MKLN1: variants seen among roughly 807,000 people sequenced by gnomAD.
MKLN1 encodes muskelin 1.
Under a neutral mutation model 99.0 loss-of-function variants are expected in MKLN1, and 18 were observed. The ratio of observed to expected loss-of-function variants is 0.18; its 90% CI spans 0.13 to 0.27. MKLN1 has a LOEUF of 0.27. Ranked by LOEUF, MKLN1 falls within the 10% of genes least tolerant of loss-of-function variation. MKLN1 has a pLI of 1.00. For synonymous variants in MKLN1, 288 were observed against 293.2 expected (o/e 0.98, Z 0.18); for missense variants, 621 against 875.9 (o/e 0.71, Z 3.67).
At chr7:131,118,834 T>C (rs1795317735) in intron 1 of MKLN1, among the ~76,000 whole-genome samples, 2 of 152,168 alleles carry the variant, frequency 1.3e-5, no homozygotes, top group Non-Finnish European at 2.9e-5. Flanking sequence ...AAGGGGGACA[T>C]CTTTCCCCAT....
chr7:131,183,049 G>T (rs771313601), intron 2 of MKLN1, among the ~76,000 whole-genome samples: 2 of 152,178 alleles, frequency 1.3e-5, no homozygotes, highest in Non-Finnish European at 2.9e-5. Context: ...GGTGGATGTG[G>T]AGTGGTTTTG....
rs1451699780 is a variant in MKLN1, at chr7:131,399,248, A to G, written c.518A>G (p.Glu173Gly). 6.2e-7 allele frequency: 1 copy of G among 1,613,882 alleles called. No homozygotes were observed. Among genetic ancestry groups the G allele is most frequent in the South Asian group, 1.1e-5 (1 of 91,078 alleles). ...TACTCTGTGTTCTAGTAGTACCGTGAACAGGAAGCTATTCGCCTTTGCCTA... is the reference window on the plus strand; with the variant it reads ...TACTCTGTGTTCTAGTAGTACCGTGGACAGGAAGCTATTCGCCTTTGCCTA... ...PCLNWYSKYR[E>G]QEAIRLCLKH... Residue 173 changes from glutamate to glycine, a missense_variant, in exon 6 of 18, where the codon GAA becomes GGA. This residue lies in a region of MKLN1 where 361 missense variants were observed against 540.8 expected (regional missense o/e 0.67). Coordinates refer to ENST00000352689, the MANE Select transcript of MKLN1 (RefSeq NM_013255.5).
chr7:131,278,245 C>T (rs1303989572), intron 3 of MKLN1, among the ~76,000 whole-genome samples: 1 of 151,964 alleles, frequency 6.6e-6, no homozygotes, highest in Non-Finnish European at 1.5e-5. Context: ...GCCATGTTGC[C>T]CAGGCTGGTC....
At chr7:131,169,042 A>T (rs1427975876) in intron 2 of MKLN1, among the ~76,000 whole-genome samples, 1 of 151,994 alleles carries the variant, frequency 6.6e-6, no homozygotes, top group African/African-American at 2.4e-5. Flanking sequence ...TAATATTTGT[A>T]TTTTTAGTAA....
chr7:131,460,453 G>A (rs908781516), intron 12 of MKLN1, among the ~76,000 whole-genome samples: 3 of 152,206 alleles, frequency 2.0e-5, no homozygotes, highest in African/African-American at 7.2e-5. Flanking sequence ...TGTCAACCAA[G>A]CTTTCCTATA....
In MKLN1 at chr7:131,441,683, A is replaced by G. The variant is rs148188319; in HGVS notation, c.1174-1798A>G. On this transcript the variant is annotated intron_variant, in intron 10 of 17. Transcript: ENST00000352689. ...TATGCTAGGAAGAACTACCAAGATA[A>G]AGATGTTTATACTTCAGCCCTGCAA... Among the ~76,000 whole-genome samples, 6 of 152,320 alleles carry G rather than the reference A, an allele frequency of 3.9e-5. No individual in the cohort carries two copies. In the East Asian group the frequency reaches 1.2e-3, roughly 29 times the overall value.
intron 3 of MKLN1, among the ~76,000 whole-genome samples, chr7:131,289,408 T>C (rs1042194823): frequency 6.6e-6 from 1 of 152,164 alleles, no homozygotes; most frequent in African/African-American, 2.4e-5. Context: ...GGAGGATCCC[T>C]TGAGGCCAGG....
chr7:131,173,978 T>TC (rs1796255697), intron 2 of MKLN1, among the ~76,000 whole-genome samples: 1 of 145,890 alleles, frequency 6.9e-6, no homozygotes. Context: ...CTTTTTCTTT[T>TC]TTTTTTTTTT....
At chr7:131,207,217 T>G (rs1382504766) in intron 3 of MKLN1, among the ~76,000 whole-genome samples, 1 of 152,180 alleles carries the variant, frequency 6.6e-6, no homozygotes, top group Non-Finnish European at 1.5e-5. Context: ...ATTTATTTAT[T>G]TTTGAGACAG....
chr7:131,404,765 C>T (rs978772454), intron 6 of MKLN1, among the ~76,000 whole-genome samples: 10 of 151,758 alleles, frequency 6.6e-5, no homozygotes, highest in Admixed American at 3.3e-4. Flanking sequence ...CCACTACACC[C>T]GGTTAATTTT....
At chr7:131,362,681 C>T (rs1016635633) in intron 1 of MKLN1, among the ~76,000 whole-genome samples, 9 of 151,950 alleles carry the variant, frequency 5.9e-5, no homozygotes, top group Non-Finnish European at 8.8e-5. Context: ...TTATTTTCAT[C>T]ACTTTCCAAC....
chr7:131,272,026 C>A (rs747674477), intron 3 of MKLN1, among the ~76,000 whole-genome samples: 1 of 152,092 alleles, frequency 6.6e-6, no homozygotes, highest in African/African-American at 2.4e-5. Context: ...GACCAGTTCT[C>A]GTTAGTGGAA....
intron 1 of MKLN1, among the ~76,000 whole-genome samples, chr7:131,366,039 C>T (rs989915545): frequency 3.3e-5 from 5 of 152,108 alleles, no homozygotes; most frequent in African/African-American, 4.8e-5. Flanking sequence ...ACTTGGCCTT[C>T]GTGAGTAGTG....
chr7:131,234,982 CT>C, intron 3 of MKLN1, among the ~76,000 whole-genome samples: 1 of 152,302 alleles, frequency 6.6e-6, no homozygotes, highest in East Asian at 1.9e-4. Flanking sequence ...AGTAGGGAAC[CT>C]TTAGGTTTGC....
chr7:131,382,279 C>T (rs1035177139), intron 2 of MKLN1, among the ~76,000 whole-genome samples: 25 of 152,090 alleles, frequency 1.6e-4, no homozygotes, highest in Middle Eastern at 3.4e-3. Flanking sequence ...GCACAAGAAT[C>T]ACTTGAACCT....
chr7:131,275,760 A>T (rs1797962738), intron 3 of MKLN1, among the ~76,000 whole-genome samples: 1 of 151,046 alleles, frequency 6.6e-6, no homozygotes, highest in African/African-American at 2.4e-5. Flanking sequence ...GGATATCAAC[A>T]TATCAATTTG....
At chr7:131,463,804 G>T (rs568969692) in intron 13 of MKLN1, among the ~76,000 whole-genome samples, 1 of 152,264 alleles carries the variant, frequency 6.6e-6, no homozygotes, top group Admixed American at 6.5e-5. Context: ...TTTTGCTTTG[G>T]GAAAACATGG....
At chr7:131,206,169 A>G (rs568386392) in intron 3 of MKLN1, among the ~76,000 whole-genome samples, 38 of 152,318 alleles carry the variant, frequency 2.5e-4, no homozygotes, top group Admixed American at 1.2e-3. Flanking sequence ...CTGGGATTAC[A>G]GGCCTGAGCC....
intron 3 of MKLN1, among the ~76,000 whole-genome samples, chr7:131,280,289 A>G (rs961973315): frequency 6.6e-6 from 1 of 152,192 alleles, no homozygotes; most frequent in Admixed American, 6.5e-5. Flanking sequence ...TTCCATGTGG[A>G]CATACGTTTT....
Sources: gnomAD v4.1 joint callset for allele counts (sites outside exome capture counted in the v4.1 genomes callset) on GRCh38, gnomAD v4.1.1 for gene constraint, gnomAD v4.1.1 regional missense constraint, MANE v1.5 for transcripts, NCBI Gene and HGNC (gene_info 2026-07-23, HGNC 2026-07-21) for gene names.